The following SLC39A11 variants were observed in gnomAD, a reference collection of about 807,000 sequenced individuals.
SLC39A11 encodes the protein solute carrier family 39 member 11.
In SLC39A11, 33 loss-of-function variants were observed where a neutral mutation model predicts 36.1. The observed-to-expected ratio is 0.91, with a 90% CI of 0.69 to 1.22. The LOEUF (loss-of-function observed/expected upper bound fraction) is 1.22, where lower values mean the gene tolerates loss of function less well. Among genes scored for constraint, SLC39A11 ranks in the 50% most tolerant of loss-of-function variants. The pLI is 0.00. For synonymous variants in SLC39A11, 166 were observed against 170.3 expected, an observed-to-expected ratio of 0.97 and a Z score of 0.20; for missense variants, 432 against 430.3, an observed-to-expected ratio of 1.00 and a Z score of -0.03.
intron 4 of SLC39A11, among the ~76,000 whole-genome samples, chr17:73,001,808 C>A (rs1042444162): frequency 6.6e-6 from 1 of 152,130 alleles, no homozygotes; most frequent in African/African-American, 2.4e-5. Flanking sequence ...CTACTCAGAG[C>A]CCACAGGTCC....
chr17:73,047,027 A>ATTTT (rs367548823), intron 3 of SLC39A11, among the ~76,000 whole-genome samples: 1 of 138,014 alleles, frequency 7.2e-6, no homozygotes, highest in African/African-American at 2.7e-5. Flanking sequence ...TATTTTATTT[A>ATTTT]TTTTTTTTTT....
At chr17:72,707,615 T>C (rs1479603313) in intron 7 of SLC39A11, among the ~76,000 whole-genome samples, 1 of 152,184 alleles carries the variant, frequency 6.6e-6, no homozygotes, top group Non-Finnish European at 1.5e-5. Flanking sequence ...CAAGCAACTA[T>C]GAACACATCA....
intron 6 of SLC39A11, among the ~76,000 whole-genome samples, chr17:72,792,271 C>A (rs903346605): frequency 6.6e-6 from 1 of 152,170 alleles, no homozygotes; most frequent in African/African-American, 2.4e-5. Flanking sequence ...TCTGTAGTGA[C>A]AAGAGGGTGA....
At chr17:72,966,253 G>C (rs2086966143) in intron 4 of SLC39A11, among the ~76,000 whole-genome samples, 1 of 152,240 alleles carries the variant, frequency 6.6e-6, no homozygotes, top group Non-Finnish European at 1.5e-5. Flanking sequence ...CAGAGAGGAA[G>C]AACTCTCAGC....
intron 4 of SLC39A11, among the ~76,000 whole-genome samples, chr17:72,975,746 G>A (rs7206989): frequency 0.93 from 141,980 of 152,308 alleles, 66,507 homozygotes; most frequent in Non-Finnish European, 0.98. Context: ...AACAATGACT[G>A]AAGTACAATA....
At position 73,006,651 on chromosome 17, in the gene SLC39A11, AACAC is replaced by A. The variant is rs144245639; in HGVS notation, c.306+24901_306+24904del. Among the ~76,000 whole-genome samples the A allele has an allele frequency of 9.5e-3, 1,413 of 149,030 alleles. 14 individuals carry two copies. Among genetic ancestry groups the A allele is most frequent in the African/African-American group, 0.022 (884 of 40,868 alleles). ...TGCTTTACTTAGAATTCAGTTTGTA[AACAC>A]ACACACACACACACACACACACATG... On this transcript the variant is annotated intron_variant, in intron 4 of 9. Transcript: ENST00000255559.
intron 4 of SLC39A11, among the ~76,000 whole-genome samples, chr17:72,974,752 A>G (rs2087723966): frequency 6.6e-6 from 1 of 152,194 alleles, no homozygotes; most frequent in Non-Finnish European, 1.5e-5. Flanking sequence ...CCACTCACTC[A>G]CTGACTCACT....
At chr17:72,691,039 T>C (rs1286836814) in intron 7 of SLC39A11, among the ~76,000 whole-genome samples, 1 of 152,148 alleles carries the variant, frequency 6.6e-6, no homozygotes, top group East Asian at 1.9e-4. Flanking sequence ...ATAGGAGGAC[T>C]CTCAAAGGCT....
At chr17:73,036,669 A>G (rs1292859901) in intron 3 of SLC39A11, among the ~76,000 whole-genome samples, 2 of 151,806 alleles carry the variant, frequency 1.3e-5, no homozygotes, top group African/African-American at 4.8e-5. Context: ...CTGGTCTCGA[A>G]CTCCCGACCT....
chr17:72,890,403 C>T (rs1442019681), intron 5 of SLC39A11, among the ~76,000 whole-genome samples: 2 of 151,990 alleles, frequency 1.3e-5, no homozygotes, highest in African/African-American at 4.8e-5. Flanking sequence ...ATTCAAGAAA[C>T]ATTTGTGAAG....
At chr17:73,077,444 A>G (rs763001398) in intron 3 of SLC39A11, among the ~76,000 whole-genome samples, 2 of 152,110 alleles carry the variant, frequency 1.3e-5, no homozygotes, top group African/African-American at 2.4e-5. Context: ...TAGCCTCTCA[A>G]CTAGCTGAGA....
chr17:72,784,403 C>T (rs1027369820), intron 6 of SLC39A11, among the ~76,000 whole-genome samples: 1 of 151,990 alleles, frequency 6.6e-6, no homozygotes, highest in Non-Finnish European at 1.5e-5. Flanking sequence ...TAACACAGAG[C>T]AAAGATGTCT....
At chr17:73,065,265 C>T (rs920368822) in intron 3 of SLC39A11, among the ~76,000 whole-genome samples, 4 of 151,988 alleles carry the variant, frequency 2.6e-5, no homozygotes, top group South Asian at 2.1e-4. Flanking sequence ...ATTAGTTGGG[C>T]GTGGTGGCAG....
At chr17:72,912,799 T>C (rs2083096200) in intron 5 of SLC39A11, among the ~76,000 whole-genome samples, 1 of 152,158 alleles carries the variant, frequency 6.6e-6, no homozygotes, top group Admixed American at 6.5e-5. Flanking sequence ...GCAATTGGCA[T>C]GATCTTACAC....
chr17:73,070,712 A>G (rs1036839659), intron 3 of SLC39A11, among the ~76,000 whole-genome samples: 1 of 152,138 alleles, frequency 6.6e-6, no homozygotes, highest in African/African-American at 2.4e-5. Flanking sequence ...TTAAATCATG[A>G]GGGCGGGCCT....
intron 9 of SLC39A11, among the ~76,000 whole-genome samples, chr17:72,648,500 G>A (rs80296708): frequency 0.04 from 6,074 of 152,040 alleles, 123 homozygotes; most frequent in Middle Eastern, 0.086. Context: ...ATTCCAGCCC[G>A]AGAATCGAGA....
At chr17:72,918,792 A>C (rs1469035244) in intron 5 of SLC39A11, among the ~76,000 whole-genome samples, 1 of 152,100 alleles carries the variant, frequency 6.6e-6, no homozygotes, top group African/African-American at 2.4e-5. Context: ...GGCTGGGCAC[A>C]GTGGCTCAAG....
chr17:73,063,801 C>T (rs373245545), intron 3 of SLC39A11, among the ~76,000 whole-genome samples: 4 of 152,156 alleles, frequency 2.6e-5, no homozygotes, highest in Non-Finnish European at 4.4e-5. Flanking sequence ...CCCATGGATA[C>T]TCTCCCCCAC....
intron 6 of SLC39A11, among the ~76,000 whole-genome samples, chr17:72,765,202 G>A (rs1251096532): frequency 6.6e-6 from 1 of 152,114 alleles, no homozygotes; most frequent in Non-Finnish European, 1.5e-5. Context: ...AACTAAGACT[G>A]GCCTTTTGAG....
Sources: allele counts gnomAD v4.1 joint callset (sites outside exome capture counted in the v4.1 genomes callset), GRCh38; gene constraint gnomAD v4.1.1; transcripts MANE v1.5; gene names NCBI Gene and HGNC (gene_info 2026-07-23, HGNC 2026-07-21).